The following THSD4 variants were observed in gnomAD, a reference collection of about 807,000 sequenced individuals.
THSD4 encodes thrombospondin type 1 domain containing 4, also known as thrombospondin type-1 domain-containing protein 4.
Under a neutral mutation model 119.0 loss-of-function variants are expected in THSD4, and 69 were observed. That is an observed-to-expected ratio of 0.58 (90% confidence interval 0.48 to 0.71). The LOEUF (loss-of-function observed/expected upper bound fraction) is 0.71, where lower values mean the gene tolerates loss of function less well. THSD4 is among the 30% of genes least tolerant of loss of function. THSD4 has a pLI of 0.00. For missense variants in THSD4, 1,393 were observed against 1,391.1 expected (o/e 1.00, Z -0.02); for synonymous variants, 524 against 540.4 (o/e 0.97, Z 0.42).
intron 7 of THSD4, among the ~76,000 whole-genome samples, chr15:71,447,369 T>G (rs12909439): frequency 0.23 from 34,076 of 150,452 alleles, 4,331 homozygotes; most frequent in Admixed American, 0.31. Flanking sequence ...TCCGCCACCT[T>G]GGCTTCCCAC....
At chr15:71,362,042 C>T (rs976872734) in intron 6 of THSD4, among the ~76,000 whole-genome samples, 1 of 152,098 alleles carries the variant, frequency 6.6e-6, no homozygotes, top group African/African-American at 2.4e-5. Flanking sequence ...CTTGGGAGGC[C>T]AAGGCAGGTA....
intron 14 of THSD4, among the ~76,000 whole-genome samples, chr15:71,751,150 A>G (rs118173208): frequency 0.014 from 2,184 of 152,330 alleles, 27 homozygotes; most frequent in Non-Finnish European, 0.023. Flanking sequence ...TCTCCAGGCT[A>G]AAAATATCTA....
rs1490376652 is a variant in THSD4, at chr15:71,748,362, C to T, written c.2242-59C>T. On this transcript the variant is annotated intron_variant, in intron 13 of 17. Transcript: ENST00000261862. ...ACAAAGGCTGCGGGCTCCATACTGG[C>T]AATTCTCTCCCAGAGCTGAAGCTGC... 5.0e-6 allele frequency: 8 copies of T among 1,595,814 alleles called. No homozygotes were observed. The East Asian group carries it at 1.8e-4, about 36-fold the overall frequency.
chr15:71,325,068 G>A (rs1011022565), intron 6 of THSD4, among the ~76,000 whole-genome samples: 2 of 152,108 alleles, frequency 1.3e-5, no homozygotes, highest in African/African-American at 4.8e-5. Flanking sequence ...GTGATGTAGA[G>A]CATTTTTTCA....
chr15:71,286,227 G>A (rs2044716671), intron 6 of THSD4, among the ~76,000 whole-genome samples: 1 of 152,100 alleles, frequency 6.6e-6, no homozygotes, highest in South Asian at 2.1e-4. Flanking sequence ...GTGCGTCATG[G>A]GGGTTTGTTG....
rs1567082394 is a variant in THSD4 at position 71,651,666 on chromosome 15, C to CA, written c.1153-8857dup. Among the ~76,000 whole-genome samples, 9 of 150,960 alleles carry CA rather than the reference C, an allele frequency of 6.0e-5. No individual in the cohort carries two copies. The East Asian group carries it at 1.6e-3, about 26-fold the overall frequency. On this transcript the variant is annotated intron_variant, in intron 7 of 17. Coordinates refer to ENST00000261862, the MANE Select transcript of THSD4 (RefSeq NM_024817.3). ...ACCCACCTTTTTTTTTTTGATGTTC[C>CA]AAAAAAATTTTAAGAAATGAAATCA... is the stretch of plus-strand genomic sequence containing the variant.
intron 6 of THSD4, among the ~76,000 whole-genome samples, chr15:71,378,528 T>G (rs902494939): frequency 6.6e-6 from 1 of 152,190 alleles, no homozygotes; most frequent in Non-Finnish European, 1.5e-5. Flanking sequence ...CCTTGAGGAA[T>G]TCAGAATTTC....
intron 1 of THSD4, among the ~76,000 whole-genome samples, chr15:71,127,962 C>A (rs2040469223): frequency 6.6e-6 from 1 of 152,150 alleles, no homozygotes; most frequent in South Asian, 2.1e-4. Flanking sequence ...GGGTTAAATA[C>A]AAAAAATTAT....
At chr15:71,363,080 C>T (rs58663792) in intron 6 of THSD4, among the ~76,000 whole-genome samples, 373 of 151,950 alleles carry the variant, frequency 2.5e-3, no homozygotes, top group African/African-American at 8.7e-3. Flanking sequence ...ATGTGGCCTG[C>T]GGGCGGCAGG....
At position 71,445,381 on chromosome 15, in the gene THSD4, C is replaced by T. The variant is rs565401179; in HGVS notation, c.1152+33558C>T. On this transcript the variant is annotated intron_variant, in intron 7 of 17. Coordinates refer to ENST00000261862, the MANE Select transcript of THSD4 (RefSeq NM_024817.3). ...TCCACTATCTAGCACAGTGAGTCAGCGCATAATACTTACTCAAAAGATGTT... is the reference window on the plus strand; with the variant it reads ...TCCACTATCTAGCACAGTGAGTCAGTGCATAATACTTACTCAAAAGATGTT... 5.3e-5 allele frequency among the ~76,000 whole-genome samples: 8 copies of T among 152,280 alleles called. No individual in the cohort carries two copies. The South Asian group carries it at 1.5e-3, about 28-fold the overall frequency.
intron 8 of THSD4, among the ~76,000 whole-genome samples, chr15:71,724,294 TTTTC>T (rs202111388): frequency 0.16 from 19,546 of 120,314 alleles, 3,411 homozygotes; most frequent in Middle Eastern, 0.25. Context: ...TATATTTTTT[TTTTC>T]CCCCCAAGAT....
At chr15:71,443,442 C>CTG (rs1409327867) in intron 7 of THSD4, among the ~76,000 whole-genome samples, 1 of 151,392 alleles carries the variant, frequency 6.6e-6, no homozygotes, top group Non-Finnish European at 1.5e-5. Flanking sequence ...CCCTCTCTCT[C>CTG]TCTATGTATA....
chr15:71,447,180 A>G (rs1174541045), intron 7 of THSD4, among the ~76,000 whole-genome samples: 3 of 120,930 alleles, frequency 2.5e-5, no homozygotes, highest in South Asian at 2.8e-4. Flanking sequence ...GAGTGCAGTG[A>G]TGCGATCACG....
chr15:71,100,816 C>CA (rs1156270913), intron 1 of THSD4, among the ~76,000 whole-genome samples: 2 of 151,560 alleles, frequency 1.3e-5, no homozygotes, highest in Non-Finnish European at 2.9e-5. Context: ...CCTGTCTCTA[C>CA]AAAAAAATAC....
At chr15:71,398,904 G>A (rs2046486354) in intron 6 of THSD4, among the ~76,000 whole-genome samples, 1 of 151,996 alleles carries the variant, frequency 6.6e-6, no homozygotes, top group Non-Finnish European at 1.5e-5. Flanking sequence ...GCCATAGGAG[G>A]GAGGCTTCCT....
At chr15:71,310,063 A>G (rs957848503) in intron 6 of THSD4, among the ~76,000 whole-genome samples, 2 of 152,210 alleles carry the variant, frequency 1.3e-5, no homozygotes, top group African/African-American at 4.8e-5. Context: ...ATAGAAAGCT[A>G]TCAGTTGGAT....
At chr15:71,164,805 C>A (rs1191807963) in intron 3 of THSD4, 33 of 1,583,344 alleles carry the variant, frequency 2.1e-5, no homozygotes, top group Non-Finnish European at 2.7e-5. Context: ...TCATCTTCAT[C>A]TTCTTCATCT....
Position 71,164,903 on chromosome 15 carries a change from T to A in THSD4, c.99+9971T>A. 42 of 1,562,978 alleles carry A rather than the reference T, an allele frequency of 2.7e-5. 1 individual carries two copies. The South Asian group carries it at 4.4e-4, about 16-fold the overall frequency. ...TTTTTCAGCCTTGACAACTCCCTTTTTTGCTGCATCAGGCTTTCCTTTAGC... is the reference window on the plus strand; with the variant it reads ...TTTTTCAGCCTTGACAACTCCCTTTATTGCTGCATCAGGCTTTCCTTTAGC... On this transcript the variant is annotated intron_variant, in intron 3 of 17. Coordinates refer to ENST00000261862, the MANE Select transcript of THSD4 (RefSeq NM_024817.3).
intron 7 of THSD4, among the ~76,000 whole-genome samples, chr15:71,634,365 C>T (rs920125583): frequency 1.3e-5 from 2 of 152,110 alleles, no homozygotes; most frequent in African/African-American, 4.8e-5. Flanking sequence ...CTTGGGAACA[C>T]CAGTCTTGTA....
Sources: gnomAD v4.1 joint callset for allele counts (sites outside exome capture counted in the v4.1 genomes callset) on GRCh38, gnomAD v4.1.1 for gene constraint, MANE v1.5 for transcripts, NCBI Gene and HGNC (gene_info 2026-07-23, HGNC 2026-07-21) for gene names.